Variants in ATR observed in about 807,000 individuals in gnomAD.
ATR encodes serine/threonine-protein kinase ATR.
In ATR, 142 loss-of-function variants were observed where a neutral mutation model predicts 305.3. The ratio of observed to expected loss-of-function variants is 0.47; its 90% CI spans 0.41 to 0.53. The LOEUF (loss-of-function observed/expected upper bound fraction) is 0.53. Ranked by LOEUF, ATR falls within the 20% of genes least tolerant of loss-of-function variation. The pLI is 0.00. For missense variants in ATR, 2,135 were observed against 3,133.1 expected (o/e 0.68, Z 7.60); for synonymous variants, 1,050 against 1,068.1 (o/e 0.98, Z 0.33).
chr3:142,469,925 T>A (rs1477868167), intron 37 of ATR, among the ~76,000 whole-genome samples, 161 bp downstream of exon 37: 19 of 152,210 alleles, frequency 1.2e-4, no homozygotes, highest in Admixed American at 1.2e-3. Context: ...CTATGATTTG[T>A]CTTTCCTTTT....
In ATR at chr3:142,522,636, A is replaced by G. The variant is rs190331026; in HGVS notation, c.4266+92T>C. 66 of 1,111,564 alleles carry G rather than the reference A, an allele frequency of 5.9e-5. No individual in the cohort carries two copies. The East Asian group carries it at 1.5e-3, about 26-fold the overall frequency. The allele number at this position is 1,111,564 out of a possible 1,614,324, so 68.9% of individuals were successfully genotyped here. On this transcript the variant is annotated intron_variant, in intron 23 of 46. Transcript: ENST00000350721. The stretch of plus-strand genomic sequence containing the variant: ...TATAACTTTGATAAAAGTGAGAATT[A>G]AAACAAAAAGGAGTTTCACAAGTAT...
At position 142,453,132 on chromosome 3, in the gene ATR, T is replaced by A; in HGVS notation, c.7757A>T (p.Glu2586Val). 1.9e-6 allele frequency: 3 copies of A among 1,614,130 alleles called. No homozygotes were observed. The highest frequency in any genetic ancestry group is 2.5e-6 in the Non-Finnish European group (3 of 1,179,990). ...CAAGCTATACCTTCTACTAACCTTTTCATTGACAACTTCTCCAGTTTCATT... is the reference window on the plus strand; with the variant it reads ...CAAGCTATACCTTCTACTAACCTTTACATTGACAACTTCTCCAGTTTCATT... ...PLNETGEVVN[E>V]KAKTHVLDIE... The change falls in exon 46 of 47, where the codon GAA (glutamate) becomes GTA (valine). Residue 2586 changes from glutamate to valine, a missense_variant. Glu to Val is a moderately radical substitution (Grantham distance 121). This residue lies in a region of ATR where 462 missense variants were observed against 887.6 expected (regional missense o/e 0.52). Coordinates refer to ENST00000350721, the MANE Select transcript of ATR (RefSeq NM_001184.4).
At chr3:142,574,271 C>T (rs2035366027) in intron 1 of ATR, among the ~76,000 whole-genome samples, 1 of 151,466 alleles carries the variant, frequency 6.6e-6, no homozygotes, top group Non-Finnish European at 1.5e-5. Flanking sequence ...TTGAGACCAG[C>T]CTGGGCAACA....
intron 12 of ATR, 58 bp from the exon 13 acceptor site, chr3:142,553,456 A>G: frequency 8.0e-6 from 12 of 1,508,462 alleles, no homozygotes; most frequent in Non-Finnish European, 1.1e-5. Context: ...ACACACACAC[A>G]CATACACACA....
At chr3:142,563,171 C>T (rs2034947393) in intron 3 of ATR, 62 bp from the exon 4 acceptor site, 2 of 1,475,988 alleles carry the variant, frequency 1.4e-6, no homozygotes, top group South Asian at 2.6e-5. Flanking sequence ...AATTCATTTG[C>T]TAAATCCTTG....
At chr3:142,575,239 T>C (rs1160336428) in intron 1 of ATR, among the ~76,000 whole-genome samples, 1 of 152,028 alleles carries the variant, frequency 6.6e-6, no homozygotes, top group African/African-American at 2.4e-5. Context: ...CATTCAGCCT[T>C]GGCATGGTGG....
chr3:142,557,858 C>CCTGA (rs1484431977), intron 8 of ATR, among the ~76,000 whole-genome samples: 1 of 152,058 alleles, frequency 6.6e-6, no homozygotes. Flanking sequence ...GTCTCAAGCT[C>CCTGA]CTGACCTCAA....
intron 27 of ATR, among the ~76,000 whole-genome samples, chr3:142,508,924 A>AG (rs1409292357): frequency 5.6e-4 from 1 of 1,794 alleles, no homozygotes; most frequent in Non-Finnish European, 1.0e-3. Context: ...ACTCCGTATC[A>AG]AAAAAAAAAA....
chr3:142,491,307 T>C (rs982666787), intron 35 of ATR, among the ~76,000 whole-genome samples: 8 of 152,198 alleles, frequency 5.3e-5, no homozygotes, highest in African/African-American at 1.7e-4. Flanking sequence ...CATTTCTGTC[T>C]ACATCATGTA....
chr3:142,517,530 G>C (rs1387069383), intron 24 of ATR, among the ~76,000 whole-genome samples: 2 of 152,062 alleles, frequency 1.3e-5, no homozygotes, highest in Admixed American at 1.3e-4. Flanking sequence ...GGGAATCAAC[G>C]CTATTGAAAA....
rs201438783 is a variant in ATR, at chr3:142,540,988, T to G, written c.3497A>C (p.His1166Pro). 43 of 1,613,692 alleles carry G rather than the reference T, an allele frequency of 2.7e-5. No homozygotes were observed. Among genetic ancestry groups the G allele is most frequent in the Non-Finnish European group, 5.9e-6 (7 of 1,179,756 alleles). Residue 1166 changes from histidine to proline, a missense_variant, in exon 18 of 47, where the codon CAT (histidine) becomes CCT (proline). By Grantham distance (77) the His-to-Pro change is moderately conservative (BLOSUM62 -2). Coordinates refer to ENST00000350721, the MANE Select transcript of ATR (RefSeq NM_001184.4). ...MSLMKLMGPK[H>P]VSSVRVKMMT... is the part of the protein sequence containing the mutation. ...CATCTTCACCCTCACAGAACTGACA[T>G]GTTTGGGTCCCATTAACTTCATCAA... is the stretch of plus-strand genomic sequence containing the variant.
At chr3:142,496,545 TGA>T (rs1197224736) in intron 33 of ATR, 25 bp from the exon 34 acceptor site, 2 of 1,601,642 alleles carry the variant, frequency 1.2e-6, no homozygotes, top group Non-Finnish European at 1.7e-6. Flanking sequence ...AACACATTGG[TGA>T]GAGAGACCAT....
intron 40 of ATR, among the ~76,000 whole-genome samples, chr3:142,466,087 G>A (rs2071123684): frequency 6.6e-6 from 1 of 151,602 alleles, no homozygotes; most frequent in Admixed American, 6.6e-5. Context: ...AAAACAACAG[G>A]AGCATTTGAA....
intron 41 of ATR, among the ~76,000 whole-genome samples, chr3:142,462,438 T>G (rs2071039223): frequency 6.6e-6 from 1 of 152,086 alleles, no homozygotes; most frequent in Admixed American, 6.6e-5. Flanking sequence ...ACTGAAACAT[T>G]AAGTCTTTAG....
intron 21 of ATR, among the ~76,000 whole-genome samples, chr3:142,528,875 A>ATCTTTT (rs1390798686): frequency 2.1e-5 from 1 of 46,632 alleles, no homozygotes; most frequent in Non-Finnish European, 3.7e-5. Flanking sequence ...ATATATATAT[A>ATCTTTT]TATATTTTTT....
chr3:142,556,930 G>A lies in ATR; in HGVS notation c.1886-355C>T, dbSNP rs560074791. 1.7e-4 allele frequency among the ~76,000 whole-genome samples: 26 copies of A among 152,238 alleles called. No individual in the cohort carries two copies. The East Asian group carries it at 4.8e-3, about 28-fold the overall frequency. On this transcript the variant is annotated intron_variant, in intron 8 of 46. Transcript: ENST00000350721. ...TCAGCTAAGTGTCAGTGAGGATGTGGAACTCATACTCTGCTAACAGGAGTG... is the reference window on the plus strand; with the variant it reads ...TCAGCTAAGTGTCAGTGAGGATGTGAAACTCATACTCTGCTAACAGGAGTG...
At chr3:142,553,171 G>A (rs1290007376) in intron 13 of ATR, 56 bp downstream of exon 13, 8 of 1,556,848 alleles carry the variant, frequency 5.1e-6, no homozygotes, top group Admixed American at 1.8e-5. Context: ...CTTCTTTTTT[G>A]TAACTCTTAA....
In ATR at chr3:142,530,010, CTT is replaced by C. The variant is rs375565138; in HGVS notation, c.3945+5068_3945+5069del. Among the ~76,000 whole-genome samples the C allele has an allele frequency of 1.6e-3, 237 of 152,100 alleles. 1 individual carries two copies. Among genetic ancestry groups the C allele is most frequent in the African/African-American group, 5.3e-3 (222 of 41,530 alleles). Reference sequence around the variant, plus strand: ...TAATTTTAAATATTAATTCTGTTCTCTTGTTTTGGTTTTATTCTTCAGAGACA... The same window carrying C: ...TAATTTTAAATATTAATTCTGTTCTCGTTTTGGTTTTATTCTTCAGAGACA... On this transcript the variant is annotated intron_variant, in intron 21 of 46. Transcript: ENST00000350721.
At chr3:142,531,668 G>A (rs2033652405) in intron 21 of ATR, among the ~76,000 whole-genome samples, 2 of 152,120 alleles carry the variant, frequency 1.3e-5, no homozygotes, top group South Asian at 2.1e-4. Flanking sequence ...TTGGACATTT[G>A]GGTTGGTTCC....
Sources: gnomAD v4.1 joint callset for allele counts (sites outside exome capture counted in the v4.1 genomes callset) on GRCh38, gnomAD v4.1.1 for gene constraint, gnomAD v4.1.1 regional missense constraint, MANE v1.5 for transcripts, NCBI Gene and HGNC (gene_info 2026-07-23, HGNC 2026-07-21) for gene names.